The following PDE1C variants were observed in gnomAD, a reference collection of about 807,000 sequenced individuals.
The protein encoded by PDE1C is dual specificity calcium/calmodulin-dependent 3',5'-cyclic nucleotide phosphodiesterase 1C.
A neutral mutation model predicts 93.1 loss-of-function variants in PDE1C; 62 were observed. That is an observed-to-expected ratio of 0.67 (90% CI 0.54 to 0.82). PDE1C has a LOEUF of 0.82. PDE1C is among the 40% of genes least tolerant of loss of function. The pLI, the probability that PDE1C is intolerant of heterozygous loss-of-function variation, is 0.00. For synonymous variants in PDE1C, 325 were observed against 310.1 expected, an observed-to-expected ratio of 1.05 and a Z score of -0.50; for missense variants, 742 against 884.6, an observed-to-expected ratio of 0.84 and a Z score of 2.04.
At chr7:32,125,396 C>T (rs1196170994) in intron 3 of PDE1C, among the ~76,000 whole-genome samples, 1 of 152,044 alleles carries the variant, frequency 6.6e-6, no homozygotes, top group African/African-American at 2.4e-5. Context: ...ATAAATCGTT[C>T]TACTATAAAG....
intron 1 of PDE1C, among the ~76,000 whole-genome samples, chr7:32,327,268 T>A (rs1186483284): frequency 6.6e-6 from 1 of 152,188 alleles, no homozygotes; most frequent in Non-Finnish European, 1.5e-5. Context: ...AAGCATAACA[T>A]GTGCATAGAG....
chr7:31,753,448 A>G lies in PDE1C; in HGVS notation c.2066T>C (p.Met689Thr), dbSNP rs747459313. 6.2e-7 allele frequency: 1 copy of G among 1,612,696 alleles called. No homozygotes were observed. Among genetic ancestry groups the G allele is most frequent in the Non-Finnish European group, 8.5e-7 (1 of 1,179,764 alleles). Residue 689 changes from methionine to threonine, a missense_variant, in exon 18 of 18, where the codon ATG becomes ACG. By Grantham distance (81) the Met-to-Thr change is moderately conservative. Transcript: ENST00000396191. The part of the protein sequence containing the change: ...KTDEHPARYK[M>T]LDQRIKMKKI... ...TTTCATTTTGATCCTCTGATCCAGC[A>G]TCTTGTACCTTGCAGGATGCTCATC...
At chr7:31,833,802 C>T (rs144955317) in intron 11 of PDE1C, among the ~76,000 whole-genome samples, 1,725 of 152,298 alleles carry the variant, frequency 0.011, 15 homozygotes, top group Non-Finnish European at 0.018. Context: ...AGAAAATTTG[C>T]AGCCTGATGA....
At chr7:31,845,324 A>C (rs1442755523) in intron 9 of PDE1C, among the ~76,000 whole-genome samples, 2 of 152,108 alleles carry the variant, frequency 1.3e-5, no homozygotes, top group Non-Finnish European at 2.9e-5. Flanking sequence ...TTTATATGTC[A>C]CTTAGATTGT....
chr7:32,398,631 C>T (rs532085984), intron 1 of PDE1C, among the ~76,000 whole-genome samples: 4 of 152,024 alleles, frequency 2.6e-5, no homozygotes, highest in Non-Finnish European at 4.4e-5. Context: ...TCAAGTGATC[C>T]TCCCGTCTCG....
chr7:32,385,147 A>T (rs1246804538), intron 1 of PDE1C, among the ~76,000 whole-genome samples: 2 of 152,224 alleles, frequency 1.3e-5, no homozygotes, highest in Admixed American at 1.3e-4. Flanking sequence ...GGTGGCATTC[A>T]TCAAGATGGG....
intron 1 of PDE1C, among the ~76,000 whole-genome samples, chr7:32,064,917 C>G (rs762331719): frequency 6.6e-6 from 1 of 152,076 alleles, no homozygotes; most frequent in Admixed American, 6.6e-5. Flanking sequence ...CAGTACTGCA[C>G]TAGATGAGCT....
chr7:32,267,594 T>TCTCTCTCTCTCTCTCACACACACACA (rs1562634993), intron 1 of PDE1C, among the ~76,000 whole-genome samples: 2 of 39,688 alleles, frequency 5.0e-5, no homozygotes, highest in Non-Finnish European at 1.7e-4. Flanking sequence ...ACACTCTCTC[T>TCTCTCTCTCTCTCTCACACACACACA]CTCTCTCTCT....
At chr7:32,385,313 A>G (rs557170770) in intron 1 of PDE1C, among the ~76,000 whole-genome samples, 9 of 152,232 alleles carry the variant, frequency 5.9e-5, no homozygotes, top group Non-Finnish European at 1.3e-4. Context: ...TTAGAGACAT[A>G]TCTGGGAGCC....
intron 1 of PDE1C, among the ~76,000 whole-genome samples, chr7:32,422,745 C>G (rs972789410): frequency 6.6e-6 from 1 of 152,082 alleles, no homozygotes; most frequent in Non-Finnish European, 1.5e-5. Flanking sequence ...GTCATCTTTT[C>G]AATTAAGCTA....
intron 16 of PDE1C, among the ~76,000 whole-genome samples, chr7:31,794,702 A>C (rs1785071772): frequency 6.6e-6 from 1 of 151,990 alleles, no homozygotes; most frequent in Non-Finnish European, 1.5e-5. Flanking sequence ...TCTGATGATA[A>C]GTCAACATCC....
chr7:31,802,391 T>C (rs1402170330), intron 16 of PDE1C, among the ~76,000 whole-genome samples: 1 of 151,688 alleles, frequency 6.6e-6, no homozygotes, highest in Non-Finnish European at 1.5e-5. Context: ...GTCATATATT[T>C]CATTTTTGTA....
intron 15 of PDE1C, 38 bp downstream of exon 15, chr7:31,815,886 C>T (rs771046943): frequency 7.0e-6 from 10 of 1,428,988 alleles, no homozygotes; most frequent in Non-Finnish European, 9.9e-6. Flanking sequence ...GTCATTAATG[C>T]CGCGAAAAGA....
chr7:32,162,790 T>A (rs1802000124), intron 3 of PDE1C, among the ~76,000 whole-genome samples: 1 of 152,134 alleles, frequency 6.6e-6, no homozygotes, highest in Non-Finnish European at 1.5e-5. Context: ...GTTCACTTTC[T>A]GTGATCAGAG....
chr7:32,344,135 G>T (rs1783807746), intron 1 of PDE1C, among the ~76,000 whole-genome samples: 1 of 152,136 alleles, frequency 6.6e-6, no homozygotes, highest in South Asian at 2.1e-4. Context: ...GTGCATTAGT[G>T]CAATCATAGC....
chr7:32,070,584 C>T (rs139720169), upstream of PDE1C: 623 of 1,430,850 alleles, frequency 4.4e-4, 4 homozygotes, highest in African/African-American at 7.6e-3. Context: ...AACCATGGCC[C>T]CAGGTGCGCT....
At chr7:31,957,318 C>T in intron 2 of PDE1C, among the ~76,000 whole-genome samples, 1 of 151,964 alleles carries the variant, frequency 6.6e-6, no homozygotes, top group East Asian at 1.9e-4. Context: ...CTATCAGGCA[C>T]AAATATAAAC....
chr7:31,760,681 T>C (rs1298607548), intron 17 of PDE1C, among the ~76,000 whole-genome samples: 1 of 151,942 alleles, frequency 6.6e-6, no homozygotes. Context: ...ATCTGTTTTT[T>C]CTCTTTCAAA....
At chr7:31,963,367 G>T (rs115869810) in intron 2 of PDE1C, among the ~76,000 whole-genome samples, 2,512 of 152,196 alleles carry the variant, frequency 0.017, 71 homozygotes, top group African/African-American at 0.057. Context: ...TTTATTTAGG[G>T]ATGAAATGAT....
Sources: gnomAD v4.1 joint callset for allele counts (sites outside exome capture counted in the v4.1 genomes callset) on GRCh38, gnomAD v4.1.1 for gene constraint, MANE v1.5 for transcripts, NCBI Gene and HGNC (gene_info 2026-07-23, HGNC 2026-07-21) for gene names.